The following ADGRF3 variants were observed in gnomAD, a reference collection of about 807,000 sequenced individuals.
The protein encoded by ADGRF3 is G protein-coupled receptor 113.
ADGRF3 carries 85 observed loss-of-function variants against 93.2 expected under a neutral mutation model. The ratio of observed to expected loss-of-function variants is 0.91; its 90% confidence interval spans 0.77 to 1.09. The LOEUF (loss-of-function observed/expected upper bound fraction) is 1.09. Among genes scored for constraint, ADGRF3 ranks in the 50% least tolerant of loss-of-function variants. ADGRF3 has a pLI of 0.00. For missense variants in ADGRF3, 1,125 were observed against 1,246.2 expected (o/e 0.90, Z 1.46); for synonymous variants, 534 against 532.5 (o/e 1.00, Z -0.04).
chr2:26,341,590 A>T (rs1003696333), intron 1 of ADGRF3, among the ~76,000 whole-genome samples: 1 of 152,164 alleles, frequency 6.6e-6, no homozygotes, highest in African/African-American at 2.4e-5. Flanking sequence ...ATGATTGAAA[A>T]ATGTAAAATA....
chr2:26,328,610 C>T (rs1675585683), intron 1 of ADGRF3, among the ~76,000 whole-genome samples: 1 of 152,098 alleles, frequency 6.6e-6, no homozygotes, highest in Non-Finnish European at 1.5e-5. Context: ...CATGCCCACA[C>T]CCGGCTAATT....
intron 1 of ADGRF3, among the ~76,000 whole-genome samples, chr2:26,324,266 A>T (rs565775295): frequency 6.6e-6 from 1 of 152,288 alleles, no homozygotes; most frequent in Admixed American, 6.5e-5. Flanking sequence ...AAAAAAGAAA[A>T]GAAAGAGAGA....
Position 26,309,125 on chromosome 2 carries a change from G to C in ADGRF3, c.2994-18C>G, listed in dbSNP as rs1012140595. 6.2e-7 allele frequency: 1 copy of C among 1,613,910 alleles called. No homozygotes were observed. Among genetic ancestry groups the C allele is most frequent in the African/African-American group, 1.3e-5 (1 of 74,926 alleles). Reference sequence around the variant, plus strand: ...CTGTCTTCCTGTGAAAGAGCTTGCGGCTGGTGAGTGGATACTGAGCCCAAC... The same window carrying C: ...CTGTCTTCCTGTGAAAGAGCTTGCGCCTGGTGAGTGGATACTGAGCCCAAC... On this transcript the variant is annotated intron_variant, in intron 13 of 13. Transcript: ENST00000651242.
intron 1 of ADGRF3, among the ~76,000 whole-genome samples, chr2:26,335,186 G>T (rs138333071): frequency 6.6e-6 from 1 of 152,042 alleles, no homozygotes; most frequent in African/African-American, 2.4e-5. Flanking sequence ...ACACTTATTA[G>T]TTATTCCCAA....
At position 26,310,055 on chromosome 2, in the gene ADGRF3, G is replaced by A. The variant is rs781579151; in HGVS notation, c.2925C>T (p.Ser975=). 11 of 1,613,960 alleles carry A rather than the reference G, an allele frequency of 6.8e-6. No individual in the cohort carries two copies. The highest frequency in any genetic ancestry group is 9.3e-6 in the Non-Finnish European group (11 of 1,179,914). ...GGCAGCAACTCACCAGGGAGATGGT[G>A]GAGCTGGGGGCTTGGGCGCGGCAGA... ...KRFCRAQAPS[S]TISLATNEGC... is the part of the protein sequence containing the mutation. Residue 975 remains serine, a synonymous_variant, in exon 12 of 14, where the codon TCC becomes TCT. Coordinates refer to ENST00000651242, the MANE Select transcript of ADGRF3 (RefSeq NM_001321971.2).
intron 1 of ADGRF3, among the ~76,000 whole-genome samples, chr2:26,343,811 G>A (rs1469696127): frequency 1.3e-5 from 2 of 152,174 alleles, no homozygotes; most frequent in Non-Finnish European, 2.9e-5. Context: ...TACACAGCCA[G>A]TAACATGTCA....
chr2:26,314,606 A>G lies in ADGRF3; in HGVS notation c.736T>C (p.Phe246Leu). 6.2e-7 allele frequency: 1 copy of G among 1,613,862 alleles called. No individual in the cohort carries two copies. Among genetic ancestry groups the G allele is most frequent in the African/African-American group, 1.3e-5 (1 of 75,050 alleles). ...TTCCACTTGAAGCCCTGGGCCTCGA[A>G]GCAGCTCATGTACTCACCTGCAGAA... ...HHWAGEYMSC[F>L]EAQGFKWNLY... Residue 246 changes from phenylalanine (F) to leucine (L), a missense_variant, in exon 6 of 14, where the codon TTC becomes CTC. By Grantham distance (22) the Phe-to-Leu change is conservative. Transcript: ENST00000651242.
In ADGRF3 at chr2:26,346,035, G is replaced by A; in HGVS notation, c.114+86C>T. The A allele has an allele frequency of 2.9e-6, 4 of 1,370,564 alleles. No homozygotes were observed. In the Admixed American group the frequency reaches 8.8e-5, roughly 30 times the overall value. The allele number at this position is 1,370,564 out of a possible 1,614,324, so 84.9% of individuals were successfully genotyped here. A position where few individuals can be genotyped will look rare whatever the true frequency, so the allele number is the denominator to read the frequency against. Reference sequence around the variant, plus strand: ...ACCCCCCCTCGATGGGCGGGGAGAAGCGTGGGCTGCGCTTGCGCACTGAGA... The same window carrying A: ...ACCCCCCCTCGATGGGCGGGGAGAAACGTGGGCTGCGCTTGCGCACTGAGA... On this transcript the variant is annotated intron_variant, in intron 1 of 13. Coordinates refer to ENST00000651242, the MANE Select transcript of ADGRF3 (RefSeq NM_001321971.2).
chr2:26,338,090 A>G (rs1420769700), intron 1 of ADGRF3, among the ~76,000 whole-genome samples: 1 of 152,254 alleles, frequency 6.6e-6, no homozygotes, highest in African/African-American at 2.4e-5. Flanking sequence ...GTCTTTATTT[A>G]GAATTTTCTT....
chr2:26,322,717 A>G lies in ADGRF3; in HGVS notation c.115-5155T>C, dbSNP rs1675221255. Among the ~76,000 whole-genome samples the G allele has an allele frequency of 2.0e-5, 3 of 152,346 alleles. No homozygotes were observed. In the South Asian group the frequency reaches 6.2e-4, roughly 32 times the overall value. On this transcript the variant is annotated intron_variant, in intron 1 of 13. Coordinates refer to ENST00000651242, the MANE Select transcript of ADGRF3 (RefSeq NM_001321971.2). Reference sequence around the variant, plus strand: ...AATATTTGTATCAAATCAATCAATCAATAAATGGAATACACCAAGACATAA... The same window carrying G: ...AATATTTGTATCAAATCAATCAATCGATAAATGGAATACACCAAGACATAA...
chr2:26,324,874 C>T (rs1675359706), intron 1 of ADGRF3, among the ~76,000 whole-genome samples: 1 of 152,180 alleles, frequency 6.6e-6, no homozygotes, highest in Non-Finnish European at 1.5e-5. Context: ...GTATTTCTGT[C>T]TTTAGGTCTT....
chr2:26,338,914 G>C (rs1320232371), intron 1 of ADGRF3, among the ~76,000 whole-genome samples: 1 of 151,614 alleles, frequency 6.6e-6, no homozygotes, highest in Non-Finnish European at 1.5e-5. Flanking sequence ...GGGGTGGGCG[G>C]ATCACAAAGT....
chr2:26,332,662 C>G (rs1675830098), intron 1 of ADGRF3, among the ~76,000 whole-genome samples: 1 of 152,088 alleles, frequency 6.6e-6, no homozygotes, highest in Non-Finnish European at 1.5e-5. Flanking sequence ...ATCACCAGAG[C>G]CCAGGAGGTC....
chr2:26,310,864 G>A lies in ADGRF3; in HGVS notation c.2660C>T (p.Ser887Leu). Residue 887 changes from serine (S) to leucine (L), a missense_variant, in exon 10 of 14, where the codon TCG (serine) becomes TTG (leucine). Physicochemically the swap from Ser to Leu is moderately radical, Grantham distance 145. Transcript: ENST00000651242. ...CTCTGCTGGGGGTCCCTCTGACAGC[G>A]AAGGTCTCAGCAACTTCAGCATGGC... is the stretch of plus-strand genomic sequence containing the variant. ...AMAMLKLLRP[S>L]LSEGPPAEKR... 6.2e-7 allele frequency: 1 copy of A among 1,612,882 alleles called. No individual in the cohort carries two copies.
Position 26,316,305 on chromosome 2 carries a change from C to T in ADGRF3, c.469G>A (p.Glu157Lys), listed in dbSNP as rs770283083. The T allele has an allele frequency of 1.4e-5, 21 of 1,551,592 alleles. No homozygotes were observed. Among genetic ancestry groups the T allele is most frequent in the South Asian group, 3.6e-5 (3 of 84,036 alleles). ...GGCAGCAACTGGCAGTACCCGGGTT[C>T]GGGATGGCTGAAGACAAGGCAGCCA... ...PCGCLVFSHP[E>K]PGYCQLLPPV... The change falls in exon 4 of 14, where the codon GAA becomes AAA. Residue 157 changes from glutamate (E) to lysine (K), a missense_variant. Transcript: ENST00000651242.
At chr2:26,330,856 C>A (rs1330327484) in intron 1 of ADGRF3, among the ~76,000 whole-genome samples, 1 of 152,174 alleles carries the variant, frequency 6.6e-6, no homozygotes, top group Admixed American at 6.5e-5. Context: ...ATGTTGAATT[C>A]TGGACTTCTT....
At chr2:26,329,122 G>C (rs1675619809) in intron 1 of ADGRF3, among the ~76,000 whole-genome samples, 1 of 152,214 alleles carries the variant, frequency 6.6e-6, no homozygotes, top group South Asian at 2.1e-4. Context: ...AGGTTGAACT[G>C]ATGCAGCACT....
intron 1 of ADGRF3, among the ~76,000 whole-genome samples, chr2:26,333,700 A>C (rs952859148): frequency 6.6e-6 from 1 of 152,162 alleles, no homozygotes; most frequent in Non-Finnish European, 1.5e-5. Context: ...GCCTTCTCTT[A>C]GCAGACAATC....
rs1676758067 is a variant in ADGRF3, at chr2:26,346,384, C to T, written c.-150G>A. The T allele has an allele frequency of 7.2e-7, 1 of 1,386,328 alleles. No homozygotes were observed. Among genetic ancestry groups the T allele is most frequent in the Non-Finnish European group, 9.4e-7 (1 of 1,062,210 alleles). The allele number at this position is 1,386,328 out of a possible 1,614,324, so 85.9% of individuals were successfully genotyped here. A position where few individuals can be genotyped will look rare whatever the true frequency, so the allele number is the denominator to read the frequency against. The stretch of plus-strand genomic sequence containing the variant: ...GCGCGGTCCGTGTCACCTTGTGCCG[C>T]GTGGCTCCGGGCGGGCTGGCGGGCG... On this transcript the variant is annotated 5_prime_UTR_variant, in exon 1 of 14. Transcript: ENST00000651242.
Sources: allele counts gnomAD v4.1 joint callset (sites outside exome capture counted in the v4.1 genomes callset), GRCh38; gene constraint gnomAD v4.1.1; transcripts MANE v1.5; gene names NCBI Gene and HGNC (gene_info 2026-07-23, HGNC 2026-07-21).